Variants in AMPH observed in about 807,000 individuals in gnomAD.
AMPH encodes amphiphysin (Stiff-Mann syndrome with breast cancer 128kD autoantigen).
Under a neutral mutation model 99.1 loss-of-function variants are expected in AMPH, and 49 were observed. That is an observed-to-expected ratio of 0.49 (90% CI 0.39 to 0.63). AMPH has a LOEUF of 0.63. Ranked by LOEUF, AMPH falls within the 20% of genes least tolerant of loss-of-function variation. The probability of loss-of-function intolerance (pLI) is 0.00; values close to 1 mark genes in which losing one functional copy is unlikely to be tolerated. For missense variants in AMPH, 759 were observed against 863.4 expected, an observed-to-expected ratio of 0.88 and a Z score of 1.52; for synonymous variants, 314 against 317.3, an observed-to-expected ratio of 0.99 and a Z score of 0.11.
At position 38,564,288 on chromosome 7, in the gene AMPH, C is replaced by T. The variant is rs183521824; in HGVS notation, c.70-29277G>A. Among the ~76,000 whole-genome samples the T allele has an allele frequency of 1.1e-4, 16 of 152,280 alleles. No individual in the cohort carries two copies. In the East Asian group the frequency reaches 2.5e-3, roughly 24 times the overall value. ...GATGAGGTGACAGAACCCCTGCACA[C>T]GTCAAGCAGGGATCAGGGACTATAC... On this transcript the variant is annotated intron_variant, in intron 1 of 20. Coordinates refer to ENST00000356264, the MANE Select transcript of AMPH (RefSeq NM_001635.4).
At chr7:38,479,952 C>T (rs1357940198) in intron 5 of AMPH, among the ~76,000 whole-genome samples, 1 of 151,582 alleles carries the variant, frequency 6.6e-6, no homozygotes, top group East Asian at 1.9e-4. Context: ...TAGATATCTA[C>T]AGTTTAAAAA....
chr7:38,425,005 G>A (rs1306238206), intron 15 of AMPH, among the ~76,000 whole-genome samples: 3 of 152,162 alleles, frequency 2.0e-5, no homozygotes, highest in Non-Finnish European at 2.9e-5. Flanking sequence ...TTACAGCTTC[G>A]AATATAATAC....
intron 2 of AMPH, chr7:38,531,165 A>C (rs926800911): frequency 2.6e-5 from 4 of 152,256 alleles, no homozygotes; most frequent in Non-Finnish European, 4.4e-5. Context: ...GTTCACCCCT[A>C]CTTAGGCAAC....
chr7:38,406,400 A>G (rs74412763), intron 17 of AMPH, among the ~76,000 whole-genome samples: 8,856 of 152,300 alleles, frequency 0.058, 358 homozygotes, highest in East Asian at 0.19. Flanking sequence ...AAATTAAAAA[A>G]AATCTTACGA....
At chr7:38,584,340 T>C (rs1418187054) in intron 1 of AMPH, among the ~76,000 whole-genome samples, 1 of 152,156 alleles carries the variant, frequency 6.6e-6, no homozygotes, top group Non-Finnish European at 1.5e-5. Context: ...GGAGCCCTGG[T>C]AGTAGGAAGT....
intron 1 of AMPH, among the ~76,000 whole-genome samples, chr7:38,571,863 A>C (rs1792054408): frequency 6.6e-6 from 1 of 150,980 alleles, no homozygotes; most frequent in Non-Finnish European, 1.5e-5. Context: ...AGCAACATCC[A>C]GTCCTGCAAG....
intron 14 of AMPH, chr7:38,428,411 C>T (rs2128991653): frequency 2.2e-6 from 1 of 456,666 alleles, no homozygotes; most frequent in South Asian, 1.5e-5. Context: ...CATCTCTTCC[C>T]AGAGAATAAT....
chr7:38,579,201 C>T (rs1043062489), intron 1 of AMPH, among the ~76,000 whole-genome samples: 7 of 152,190 alleles, frequency 4.6e-5, no homozygotes, highest in Non-Finnish European at 7.3e-5. Context: ...GTGCTGGTGT[C>T]CATCACCGGT....
chr7:38,525,275 TATAGAGAGAGAGAGAGAG>T (rs1422958986), intron 2 of AMPH, among the ~76,000 whole-genome samples: 56 of 86,298 alleles, frequency 6.5e-4, no homozygotes, highest in Middle Eastern at 5.1e-3. Context: ...TATATATATA[TATAGAGAGAGAGAGAGAG>T]AGAGAGAGAG....
rs752817299 is a variant in AMPH, at chr7:38,391,804, G to C, written c.1822C>G (p.Gln608Glu). 6.8e-6 allele frequency: 11 copies of C among 1,613,908 alleles called. No individual in the cohort carries two copies. In the African/African-American group the frequency reaches 1.2e-4, roughly 18 times the overall value. The part of the protein sequence containing the change: ...PSAPAMGAAD[Q>E]LASAREASQE... Reference sequence around the variant, plus strand: ...GAGGCCTCCCTTGCAGATGCTAGCTGGTCAGCAGCCCCCATGGCTGGTGCA... The same window carrying C: ...GAGGCCTCCCTTGCAGATGCTAGCTCGTCAGCAGCCCCCATGGCTGGTGCA... Residue 608 changes from glutamine (Q) to glutamate (E), a missense_variant, in exon 19 of 21, where the codon CAG becomes GAG. This residue lies in a region of AMPH where 554 missense variants were observed against 575.6 expected (regional missense o/e 0.96). Transcript: ENST00000356264.
chr7:38,472,034 A>G (rs1215380582), intron 7 of AMPH, among the ~76,000 whole-genome samples: 1 of 152,160 alleles, frequency 6.6e-6, no homozygotes, highest in Admixed American at 6.5e-5. Flanking sequence ...GGGAGACTTC[A>G]ATATCTCACT....
intron 17 of AMPH, among the ~76,000 whole-genome samples, chr7:38,407,173 T>C (rs1009924936): frequency 2.8e-5 from 4 of 143,852 alleles, no homozygotes; most frequent in African/African-American, 5.1e-5. Context: ...TATCTATCTA[T>C]CTAGCATCCA....
At chr7:38,412,914 T>C (rs910742340) in intron 17 of AMPH, among the ~76,000 whole-genome samples, 7 of 152,190 alleles carry the variant, frequency 4.6e-5, no homozygotes, top group African/African-American at 1.4e-4. Flanking sequence ...AGAATTTTGA[T>C]GGGACACAGC....
chr7:38,528,750 T>A (rs1397044863), intron 2 of AMPH, among the ~76,000 whole-genome samples: 1 of 151,904 alleles, frequency 6.6e-6, no homozygotes, highest in African/African-American at 2.4e-5. Flanking sequence ...TTTATTTCCT[T>A]CCTTCTGCTT....
At chr7:38,488,452 C>T (rs1377707759) in intron 5 of AMPH, among the ~76,000 whole-genome samples, 1 of 148,122 alleles carries the variant, frequency 6.8e-6, no homozygotes, top group Non-Finnish European at 1.5e-5. Context: ...CATGTTCTCA[C>T]TCATAAGTGG....
At chr7:38,605,141 G>C (rs1186552473) in intron 1 of AMPH, among the ~76,000 whole-genome samples, 1 of 152,176 alleles carries the variant, frequency 6.6e-6, no homozygotes, top group Non-Finnish European at 1.5e-5. Flanking sequence ...GGCCTAGACA[G>C]AGGATAAACT....
chr7:38,411,045 C>T (rs1785201652), intron 17 of AMPH, among the ~76,000 whole-genome samples: 2 of 152,170 alleles, frequency 1.3e-5, no homozygotes, highest in African/African-American at 4.8e-5. Context: ...TTAAAAGCAT[C>T]TGGAGTAGTC....
At chr7:38,578,461 A>G (rs558613060) in intron 1 of AMPH, among the ~76,000 whole-genome samples, 1 of 152,196 alleles carries the variant, frequency 6.6e-6, no homozygotes, top group Admixed American at 6.5e-5. Context: ...TAAATATTGC[A>G]TCATTTAAAC....
At chr7:38,545,444 AT>A (rs1790960918) in intron 1 of AMPH, among the ~76,000 whole-genome samples, 1 of 151,754 alleles carries the variant, frequency 6.6e-6, no homozygotes, top group South Asian at 2.1e-4. Context: ...GGCTGTTGTG[AT>A]TTGGTTTGGT....
Sources: allele counts gnomAD v4.1 joint callset (sites outside exome capture counted in the v4.1 genomes callset), GRCh38; gene constraint gnomAD v4.1.1; regional missense constraint gnomAD v4.1.1; transcripts MANE v1.5; gene names NCBI Gene and HGNC (gene_info 2026-07-23, HGNC 2026-07-21).